Variants in CCNH observed in about 807,000 individuals in gnomAD.
CCNH encodes cyclin-H.
In CCNH, 31 loss-of-function variants were observed where a neutral mutation model predicts 41.9. That is an observed-to-expected ratio of 0.74 (90% CI 0.56 to 1.00). The LOEUF (loss-of-function observed/expected upper bound fraction) is 1.00. Ranked by LOEUF, CCNH falls within the 50% of genes least tolerant of loss-of-function variation. The pLI, the probability that CCNH is intolerant of heterozygous loss-of-function variation, is 0.00. For missense variants in CCNH, 362 were observed against 388.4 expected (o/e 0.93, Z 0.57); for synonymous variants, 138 against 136.1 (o/e 1.01, Z -0.10).
At chr5:87,374,802 A>G (rs751085665), downstream of CCNH, 3 of 1,605,870 alleles carry the variant, frequency 1.9e-6, no homozygotes, top group Non-Finnish European at 2.6e-6. Context: ...TTTGATGCCA[A>G]AACATTTTGT....
chr5:87,337,824 A>G, intron 9 of CCNH: 1 of 785,716 alleles, frequency 1.3e-6, no homozygotes, highest in African/African-American at 1.8e-5. Flanking sequence ...GGATAATGCC[A>G]GAAATAGGAT....
chr5:87,365,766 T>A (rs1489357538), intron 9 of CCNH, among the ~76,000 whole-genome samples: 3 of 151,368 alleles, frequency 2.0e-5, no homozygotes, highest in Admixed American at 2.0e-4. Context: ...AATTGCTAAA[T>A]TTTTTTTTAA....
At chr5:87,317,933 G>C (rs1756470244), downstream of CCNH, among the ~76,000 whole-genome samples, 1 of 152,004 alleles carries the variant, frequency 6.6e-6, no homozygotes. Context: ...ACCGCGCCCA[G>C]CCGTTTTTCT....
chr5:87,321,551 T>C (rs898078602), intron 9 of CCNH, among the ~76,000 whole-genome samples: 1 of 152,208 alleles, frequency 6.6e-6, no homozygotes, highest in African/African-American at 2.4e-5. Context: ...CTCACAGAAC[T>C]CAGAGAAACA....
intron 9 of CCNH, among the ~76,000 whole-genome samples, chr5:87,335,343 A>G (rs755503820): frequency 2.0e-5 from 3 of 148,430 alleles, no homozygotes; most frequent in Admixed American, 6.7e-5. Context: ...GACATTCTGT[A>G]TTGGCCATCA....
chr5:87,327,141 A>G (rs1246925955), intron 9 of CCNH, among the ~76,000 whole-genome samples: 1 of 152,186 alleles, frequency 6.6e-6, no homozygotes, highest in Non-Finnish European at 1.5e-5. Flanking sequence ...GCAACTTTAT[A>G]TGTGTTAGCT....
At chr5:87,394,038 T>G (rs1449429710), downstream of CCNH, 1 of 157,462 alleles carries the variant, frequency 6.4e-6, no homozygotes, top group Non-Finnish European at 1.4e-5. Context: ...GACAAATAGC[T>G]AAATATATCA....
At chr5:87,361,063 T>A (rs1760053263) in intron 9 of CCNH, among the ~76,000 whole-genome samples, 1 of 152,166 alleles carries the variant, frequency 6.6e-6, no homozygotes, top group Non-Finnish European at 1.5e-5. Flanking sequence ...GTAGAGATTA[T>A]TTATTTCAGT....
At chr5:87,391,154 A>C (rs1187222979), downstream of CCNH, 27 of 562,856 alleles carry the variant, frequency 4.8e-5, no homozygotes, top group East Asian at 7.9e-4. Context: ...CTTTCACAAA[A>C]CGAAATGCTA....
rs1316171243 is a variant in CCNH, at chr5:87,394,422, C to CATTGAG, written c.*18_*23dup. The CATTGAG allele has an allele frequency of 1.2e-6, 2 of 1,608,952 alleles. No homozygotes were observed. Among genetic ancestry groups the CATTGAG allele is most frequent in the South Asian group, 2.2e-5 (2 of 90,674 alleles). On this transcript the variant is annotated 3_prime_UTR_variant, in exon 9 of 9. Coordinates refer to ENST00000256897, the MANE Select transcript of CCNH (RefSeq NM_001239.4). ...CTTCCTACTTCTCTTGATTAGTTAG[C>CATTGAG]ATTGAGAAATCAACTTCAAATGGTT...
At chr5:87,380,957 G>A (rs530867933), upstream of CCNH, among the ~76,000 whole-genome samples, 20 of 152,290 alleles carry the variant, frequency 1.3e-4, no homozygotes, top group South Asian at 4.1e-3. Flanking sequence ...GACCGATTTA[G>A]ATATTAATTG....
At chr5:87,340,410 A>ATTTTTATAGT (rs1201648710) in intron 9 of CCNH, among the ~76,000 whole-genome samples, 3 of 151,702 alleles carry the variant, frequency 2.0e-5, no homozygotes, top group African/African-American at 4.8e-5. Flanking sequence ...AATGCTATTC[A>ATTTTTATAGT]TTTTTATAGT....
At chr5:87,389,595 C>A, downstream of CCNH, 1 of 1,570,540 alleles carries the variant, frequency 6.4e-7, no homozygotes, top group South Asian at 1.1e-5. Flanking sequence ...TAATAAATAG[C>A]TGAATTCTGG....
intron 4 of CCNH, among the ~76,000 whole-genome samples, chr5:87,406,591 G>T (rs1406139011): frequency 2.0e-5 from 3 of 151,676 alleles, no homozygotes; most frequent in African/African-American, 7.3e-5. Flanking sequence ...TCAGATTTTG[G>T]ATTTGGGATG....
downstream of CCNH, among the ~76,000 whole-genome samples, chr5:87,387,162 G>C (rs988571779): frequency 2.0e-5 from 3 of 152,084 alleles, no homozygotes; most frequent in African/African-American, 4.8e-5. Flanking sequence ...TTTAGGGTCT[G>C]TCTTGCTTTT....
intron 9 of CCNH, among the ~76,000 whole-genome samples, chr5:87,357,457 C>T (rs539661365): frequency 6.6e-5 from 10 of 152,102 alleles, no homozygotes; most frequent in African/African-American, 2.4e-4. Flanking sequence ...ATACATTTCC[C>T]CATACTGAAT....
chr5:87,332,311 A>T (rs1310383898), intron 9 of CCNH, among the ~76,000 whole-genome samples: 1 of 152,124 alleles, frequency 6.6e-6, no homozygotes, highest in African/African-American at 2.4e-5. Context: ...CATCAAATGC[A>T]TGTATATATA....
downstream of CCNH, chr5:87,391,244 A>G: frequency 2.4e-6 from 1 of 409,634 alleles, no homozygotes; most frequent in Non-Finnish European, 4.5e-6. Flanking sequence ...TCTCTTAGAG[A>G]AAGAACTATG....
In CCNH at chr5:87,353,211, T is replaced by C. The variant is rs747987480; in HGVS notation, c.*91-34314A>G. The C allele has an allele frequency of 9.9e-6, 16 of 1,609,412 alleles. 1 individual carries two copies. The Middle Eastern group carries it at 6.6e-4, about 66-fold the overall frequency. On this transcript the variant is annotated intron_variant and NMD_transcript_variant, in intron 9 of 9. Coordinates refer to the CCNH transcript ENST00000645953. The stretch of plus-strand genomic sequence containing the variant: ...AAGAACAGATTGTTGAAGGATATTA[T>C]CTTAAGGAACCTGTACCAATGCAGG...
Sources: gnomAD v4.1 joint callset for allele counts (sites outside exome capture counted in the v4.1 genomes callset) on GRCh38, gnomAD v4.1.1 for gene constraint, MANE v1.5 for transcripts, NCBI Gene and HGNC (gene_info 2026-07-23, HGNC 2026-07-21) for gene names.